SLC24A2: variants seen among roughly 807,000 people sequenced by gnomAD.
SLC24A2 encodes the protein sodium/potassium/calcium exchanger 2.
In SLC24A2, 36 loss-of-function variants were observed where a neutral mutation model predicts 62.0. That is an observed-to-expected ratio of 0.58 (90% CI 0.44 to 0.77). The LOEUF is 0.77. SLC24A2 is among the 30% of genes least tolerant of loss of function. SLC24A2 has a pLI of 0.00. For missense variants in SLC24A2, 846 were observed against 817.9 expected (o/e 1.03, Z -0.42); for synonymous variants, 358 against 294.0 (o/e 1.22, Z -2.23).
intron 2 of SLC24A2, among the ~76,000 whole-genome samples, chr9:19,749,420 CAA>C (rs1821922246): frequency 6.6e-6 from 1 of 151,972 alleles, no homozygotes; most frequent in African/African-American, 2.4e-5. Flanking sequence ...AAAAAGAAAA[CAA>C]GACAAAACTG....
chr9:19,649,256 T>C (rs1343719975), intron 2 of SLC24A2, among the ~76,000 whole-genome samples: 2 of 152,196 alleles, frequency 1.3e-5, no homozygotes, highest in Non-Finnish European at 2.9e-5. Context: ...AGTAGGCTCT[T>C]TGAATTTACT....
At chr9:20,141,691 A>C in the SLC24A2 span, among the ~76,000 whole-genome samples, 1 of 151,882 alleles carries the variant, frequency 6.6e-6, no homozygotes, top group East Asian at 1.9e-4. Context: ...CTTTCTAGAA[A>C]CGACGCTACT....
chr9:19,680,795 A>C (rs1284542478), intron 2 of SLC24A2, among the ~76,000 whole-genome samples: 2 of 151,936 alleles, frequency 1.3e-5, no homozygotes, highest in African/African-American at 4.8e-5. Flanking sequence ...ATTTCTTTCT[A>C]ATCAAGAAAT....
intron 2 of SLC24A2, among the ~76,000 whole-genome samples, chr9:19,646,750 T>C (rs1818647393): frequency 6.6e-6 from 1 of 152,174 alleles, no homozygotes; most frequent in African/African-American, 2.4e-5. Context: ...AAATAAGTTT[T>C]CGTGGCTTTT....
the SLC24A2 span, among the ~76,000 whole-genome samples, chr9:20,075,859 G>C: frequency 6.6e-6 from 1 of 152,134 alleles, no homozygotes; most frequent in African/African-American, 2.4e-5. Context: ...TGAGGAATTG[G>C]TTCCAGGACC....
chr9:20,244,220 G>T, the SLC24A2 span, among the ~76,000 whole-genome samples: 1 of 152,152 alleles, frequency 6.6e-6, no homozygotes, highest in Non-Finnish European at 1.5e-5. Context: ...AAACTATCCG[G>T]TTAAAACGTG....
chr9:20,053,497 C>G, the SLC24A2 span, among the ~76,000 whole-genome samples: 4 of 151,998 alleles, frequency 2.6e-5, no homozygotes, highest in Non-Finnish European at 1.5e-5. Flanking sequence ...CTTTTTTCTC[C>G]TTGCTACCAT....
At chr9:20,129,162 C>T in the SLC24A2 span, among the ~76,000 whole-genome samples, 2 of 151,944 alleles carry the variant, frequency 1.3e-5, no homozygotes, top group Non-Finnish European at 2.9e-5. Flanking sequence ...GAGAAATGGC[C>T]ATACAAGTGG....
the SLC24A2 span, among the ~76,000 whole-genome samples, chr9:19,988,005 G>A: frequency 6.6e-6 from 1 of 152,322 alleles, no homozygotes; most frequent in South Asian, 2.1e-4. Context: ...TATGCTAAAG[G>A]CATTCAAGAA....
chr9:19,520,235 T>A (rs1052505142), intron 10 of SLC24A2, among the ~76,000 whole-genome samples: 1 of 152,246 alleles, frequency 6.6e-6, no homozygotes, highest in African/African-American at 2.4e-5. Context: ...GTACTGATGT[T>A]AAGTTTATTT....
At chr9:19,791,529 C>T (rs1450033983), upstream of SLC24A2, among the ~76,000 whole-genome samples, 1 of 152,202 alleles carries the variant, frequency 6.6e-6, no homozygotes. Context: ...CCATATTCGA[C>T]TCAAGATTTG....
At chr9:20,267,058 G>GAA in the SLC24A2 span, among the ~76,000 whole-genome samples, 5,438 of 127,596 alleles carry the variant, frequency 0.043, 147 homozygotes, top group African/African-American at 0.058. Flanking sequence ...CTTAAGAAAT[G>GAA]AAAAAAAAAA....
chr9:19,772,755 A>G (rs1222634476), intron 2 of SLC24A2, among the ~76,000 whole-genome samples: 2 of 152,192 alleles, frequency 1.3e-5, no homozygotes, highest in Non-Finnish European at 2.9e-5. Flanking sequence ...GGAAAGCAAA[A>G]TGGTCCAGGG....
chr9:19,785,627 T>C (rs1823141259), intron 2 of SLC24A2, among the ~76,000 whole-genome samples: 2 of 152,246 alleles, frequency 1.3e-5, no homozygotes, highest in Admixed American at 6.5e-5. Context: ...CACAAAATCA[T>C]TATGCCCACT....
At chr9:19,548,308 T>A (rs574703896) in intron 8 of SLC24A2, among the ~76,000 whole-genome samples, 8 of 152,344 alleles carry the variant, frequency 5.3e-5, no homozygotes, top group African/African-American at 1.9e-4. Flanking sequence ...CATCACTAAA[T>A]ATGAAGCAAA....
At chr9:19,744,701 CTG>C (rs1051710458) in intron 2 of SLC24A2, among the ~76,000 whole-genome samples, 1 of 152,200 alleles carries the variant, frequency 6.6e-6, no homozygotes, top group African/African-American at 2.4e-5. Flanking sequence ...AAATTGAACA[CTG>C]TGGCTTGTTT....
the SLC24A2 span, among the ~76,000 whole-genome samples, chr9:20,175,843 T>C: frequency 6.6e-6 from 1 of 152,026 alleles, no homozygotes. Flanking sequence ...TGTTATTAGA[T>C]AAATAACTGT....
the SLC24A2 span, among the ~76,000 whole-genome samples, chr9:20,048,523 T>G: frequency 6.6e-6 from 1 of 152,196 alleles, no homozygotes. Flanking sequence ...CTGCTTCATG[T>G]TTTACAGGCT....
chr9:20,205,638 G>A, the SLC24A2 span, among the ~76,000 whole-genome samples: 1 of 119,252 alleles, frequency 8.4e-6, no homozygotes. Flanking sequence ...GTAACAGAGT[G>A]AGACTCCATC....
Sources: allele counts gnomAD v4.1 joint callset (sites outside exome capture counted in the v4.1 genomes callset), GRCh38; gene constraint gnomAD v4.1.1; transcripts MANE v1.5; gene names NCBI Gene and HGNC (gene_info 2026-07-23, HGNC 2026-07-21).